The following SCRN1 variants were observed in gnomAD, a reference collection of about 807,000 sequenced individuals.
SCRN1 encodes secernin-1.
A neutral mutation model predicts 43.3 loss-of-function variants in SCRN1; 19 were observed. That is an observed-to-expected ratio of 0.44 (90% confidence interval 0.31 to 0.64). The LOEUF (loss-of-function observed/expected upper bound fraction) is 0.64, where lower values mean the gene tolerates loss of function less well. Ranked by LOEUF, SCRN1 falls within the 30% of genes least tolerant of loss-of-function variation. The pLI is 0.09. For synonymous variants in SCRN1, 183 were observed against 188.9 expected (o/e 0.97, Z 0.26); for missense variants, 447 against 524.1 (o/e 0.85, Z 1.44).
In SCRN1 at chr7:29,944,088, C is replaced by A; in HGVS notation, c.433G>T (p.Glu145Ter). 6.2e-7 allele frequency: 1 copy of A among 1,614,214 alleles called. No homozygotes were observed. Among genetic ancestry groups the A allele is most frequent in the Non-Finnish European group, 8.5e-7 (1 of 1,180,046 alleles). The change falls in exon 4 of 8, where the codon GAA becomes TAA. Residue 145 changes from glutamate to a stop codon, truncating the protein, a stop_gained. Coordinates refer to ENST00000242059, the MANE Select transcript of SCRN1 (RefSeq NM_014766.5). LOFTEE classifies it high-confidence loss of function. ...EEHGQGGNYF[E>*]DANSCHSFQS... ...AAGCTGTGGCAGGAGTTTGCATCTT[C>A]AAAGTAATTCCCACCTTGTCCATGT... is the stretch of plus-strand genomic sequence containing the variant.
chr7:29,934,753 C>T (rs1188935311), intron 6 of SCRN1, among the ~76,000 whole-genome samples: 4 of 152,186 alleles, frequency 2.6e-5, no homozygotes, highest in Non-Finnish European at 4.4e-5. Flanking sequence ...GAGGAGCCTC[C>T]TGAGAGGCTG....
rs746311935 is a variant in SCRN1, at chr7:29,926,531, C to T, written c.1007G>A (p.Arg336Gln). The part of the protein sequence containing the change: ...GDDDPAKKEP[R>Q]FQEKPDRRHE... ...CCGGCGGTCTGGTTTCTCCTGGAAC[C>T]GAGGCTCCTTTTTGGCAGGGTCGTC... The change falls in exon 7 of 8, where the codon CGG becomes CAG. Residue 336 changes from arginine (R) to glutamine (Q), a missense_variant. Physicochemically the swap from Arg to Gln is conservative, Grantham distance 43. Transcript: ENST00000242059. 2.6e-5 allele frequency: 42 copies of T among 1,613,996 alleles called. No individual in the cohort carries two copies. The highest frequency in any genetic ancestry group is 5.5e-5 in the South Asian group (5 of 91,084).
chr7:29,951,073 G>T lies in SCRN1; in HGVS notation c.341+4106C>A, dbSNP rs143303735. On this transcript the variant is annotated intron_variant, in intron 3 of 7. Coordinates refer to ENST00000242059, the MANE Select transcript of SCRN1 (RefSeq NM_014766.5). ...GAGAAGAGCTGCAGCCCTTTGGGGA[G>T]TCCAGACCTAGGGGCTCCCTGAGCC... Among the ~76,000 whole-genome samples, 10 of 152,376 alleles carry T rather than the reference G, an allele frequency of 6.6e-5. No homozygotes were observed. In the East Asian group the frequency reaches 1.7e-3, roughly 26 times the overall value.
intron 6 of SCRN1, among the ~76,000 whole-genome samples, chr7:29,932,941 A>G (rs528909101): frequency 6.6e-6 from 1 of 151,912 alleles, no homozygotes; most frequent in Non-Finnish European, 1.5e-5. Context: ...CAGTGGCTCA[A>G]TCTCAGCTCA....
chr7:29,939,335 C>A (rs1787453735), intron 5 of SCRN1, among the ~76,000 whole-genome samples: 1 of 151,988 alleles, frequency 6.6e-6, no homozygotes, highest in South Asian at 2.1e-4. Context: ...CACCTCAGCC[C>A]CTGAAGAGCT....
chr7:29,940,936 A>G, intron 4 of SCRN1, 60 bp from the exon 5 acceptor site: 1 of 1,323,848 alleles, frequency 7.6e-7, no homozygotes, highest in Non-Finnish European at 1.0e-6. Flanking sequence ...TAATCAACAA[A>G]TGGAAATGTA....
intron 2 of SCRN1, among the ~76,000 whole-genome samples, chr7:29,960,766 G>C (rs1019134155): frequency 2.0e-5 from 3 of 151,958 alleles, no homozygotes; most frequent in African/African-American, 7.3e-5. Context: ...TTATTCCTCT[G>C]CTTCCTCAAC....
At chr7:29,931,692 T>C (rs1214684542) in intron 6 of SCRN1, among the ~76,000 whole-genome samples, 1 of 152,178 alleles carries the variant, frequency 6.6e-6, no homozygotes, top group Admixed American at 6.5e-5. Context: ...ATGCAGAAAC[T>C]CTCCAAGCAA....
chr7:29,932,651 C>CAAAAAA (rs1162835669), intron 6 of SCRN1, among the ~76,000 whole-genome samples: 6 of 8,048 alleles, frequency 7.5e-4, no homozygotes, highest in Admixed American at 1.8e-3. Context: ...GATTCCATCT[C>CAAAAAA]AAAAAAAAAA....
In SCRN1 at chr7:29,923,945, G is replaced by A. The variant is rs1355808547; in HGVS notation, c.*12C>T. ...GAAGTCTTAAATAAGAAGGGGAAAG[G>A]GAACGCTTACTTCACTTAAAGAACT... On this transcript the variant is annotated 3_prime_UTR_variant, in exon 8 of 8. Coordinates refer to ENST00000242059, the MANE Select transcript of SCRN1 (RefSeq NM_014766.5). The A allele has an allele frequency of 6.2e-7, 1 of 1,601,118 alleles. No individual in the cohort carries two copies. The highest frequency in any genetic ancestry group is 2.2e-5 in the East Asian group (1 of 44,702).
At chr7:29,927,958 T>C (rs1284066868) in intron 6 of SCRN1, among the ~76,000 whole-genome samples, 1 of 151,966 alleles carries the variant, frequency 6.6e-6, no homozygotes, top group African/African-American at 2.4e-5. Flanking sequence ...CCGTTTCTAC[T>C]AAAAATAAAA....
chr7:29,966,159 C>CAGAGAGAGAGAGAGAGAGAG lies in SCRN1; in HGVS notation c.159+2730_159+2749dup, dbSNP rs58247318. The stretch of plus-strand genomic sequence containing the variant: ...AGACAGAGAGAGAGAGACCGAGAGA[C>CAGAGAGAGAGAGAGAGAGAG]AGAGAGAGAGAGAGAGAGAGAGAGA... On this transcript the variant is annotated intron_variant, in intron 2 of 7. Coordinates refer to ENST00000242059, the MANE Select transcript of SCRN1 (RefSeq NM_014766.5). 9.4e-4 allele frequency among the ~76,000 whole-genome samples: 79 copies of CAGAGAGAGAGAGAGAGAGAG among 84,462 alleles called. 1 individual carries two copies. Among genetic ancestry groups the CAGAGAGAGAGAGAGAGAGAG allele is most frequent in the African/African-American group, 2.1e-3 (42 of 20,040 alleles). The allele number at this position is 84,462 out of a possible 152,430, so 55.4% of individuals were successfully genotyped here.
At chr7:29,936,454 A>C in intron 6 of SCRN1, 102 bp downstream of exon 6, 2 of 1,083,942 alleles carry the variant, frequency 1.8e-6, no homozygotes, top group African/African-American at 1.6e-5. Context: ...TGACTTTGCT[A>C]TCCAAGGGGA....
At chr7:29,947,273 A>G (rs774447835) in intron 3 of SCRN1, 47 of 1,550,622 alleles carry the variant, frequency 3.0e-5, no homozygotes, top group Non-Finnish European at 7.8e-6. Flanking sequence ...TGACCTTCTC[A>G]CAGGTATGTC....
chr7:29,923,940 G>A lies in SCRN1; in HGVS notation c.*17C>T. 1 of 1,595,990 alleles carries A rather than the reference G, an allele frequency of 6.3e-7. No individual in the cohort carries two copies. Among genetic ancestry groups the A allele is most frequent in the Non-Finnish European group, 8.5e-7 (1 of 1,170,860 alleles). On this transcript the variant is annotated 3_prime_UTR_variant, in exon 8 of 8. Coordinates refer to ENST00000242059, the MANE Select transcript of SCRN1 (RefSeq NM_014766.5). ...GGTGGGAAGTCTTAAATAAGAAGGG[G>A]AAAGGGAACGCTTACTTCACTTAAA...
chr7:29,926,784 C>T, intron 6 of SCRN1, 152 bp from the exon 7 acceptor site: 1 of 648,108 alleles, frequency 1.5e-6, no homozygotes, highest in Non-Finnish European at 2.6e-6. Context: ...CCAAGAGAGA[C>T]ATAACTGCAT....
intron 5 of SCRN1, among the ~76,000 whole-genome samples, chr7:29,938,545 G>A (rs760566056): frequency 1.3e-5 from 2 of 152,220 alleles, no homozygotes; most frequent in Non-Finnish European, 2.9e-5. Flanking sequence ...TGGGGTTAAC[G>A]GAATCAGGGC....
intron 2 of SCRN1, among the ~76,000 whole-genome samples, chr7:29,966,710 A>G (rs921945310): frequency 6.6e-6 from 1 of 152,206 alleles, no homozygotes; most frequent in Non-Finnish European, 1.5e-5. Flanking sequence ...GGCTTTTATT[A>G]AGTTAGTGGC....
chr7:29,981,393 A>G (rs1459203504), intron 1 of SCRN1, among the ~76,000 whole-genome samples: 2 of 152,228 alleles, frequency 1.3e-5, no homozygotes, highest in African/African-American at 4.8e-5. Context: ...CATTTGGAAG[A>G]GCTGTCTATG....
Sources: gnomAD v4.1 joint callset for allele counts (sites outside exome capture counted in the v4.1 genomes callset) on GRCh38, gnomAD v4.1.1 for gene constraint, MANE v1.5 for transcripts, NCBI Gene and HGNC (gene_info 2026-07-23, HGNC 2026-07-21) for gene names.